Variants in UGT1A9 observed in about 807,000 individuals in gnomAD.
The protein encoded by UGT1A9 is UDP glucuronosyltransferase family 1 member A9, also known as UDP-glucuronosyltransferase 1A9.
In UGT1A9, 35 loss-of-function variants were observed where a neutral mutation model predicts 45.0. The observed-to-expected ratio is 0.78, with a 90% CI of 0.59 to 1.03. The LOEUF (loss-of-function observed/expected upper bound fraction) is 1.03, where lower values mean the gene tolerates loss of function less well. Ranked by LOEUF, UGT1A9 falls within the 50% of genes least tolerant of loss-of-function variation. The probability of loss-of-function intolerance (pLI) is 0.00; values close to 1 mark genes in which losing one functional copy is unlikely to be tolerated. For synonymous variants in UGT1A9, 278 were observed against 250.6 expected, an observed-to-expected ratio of 1.11 and a Z score of -1.03; for missense variants, 687 against 666.6, an observed-to-expected ratio of 1.03 and a Z score of -0.34.
intron 1 of UGT1A9, among the ~76,000 whole-genome samples, chr2:233,759,775 C>T (rs756322145): frequency 1.3e-5 from 2 of 152,048 alleles, no homozygotes; most frequent in African/African-American, 4.8e-5. Context: ...TATTGTTGGA[C>T]GAAGGAATGA....
chr2:233,707,812 G>A lies in UGT1A9; in HGVS notation c.855+35023G>A, dbSNP rs998296659. On this transcript the variant is annotated intron_variant, in intron 1 of 4. Transcript: ENST00000354728. ...GGGTGGAGCTGCTGCGTTGGAGGGC[G>A]TGCATATCATTAATTTAATAAGATG... Among the ~76,000 whole-genome samples, 10 of 152,234 alleles carry A rather than the reference G, an allele frequency of 6.6e-5. No homozygotes were observed. In the Middle Eastern group the frequency reaches 0.01, roughly 155 times the overall value.
At chr2:233,747,128 C>G (rs1346138562) in intron 1 of UGT1A9, 1 of 1,515,314 alleles carries the variant, frequency 6.6e-7, no homozygotes, top group Non-Finnish European at 8.9e-7. Context: ...CTAAGTGGCT[C>G]AGTGACAAGG....
In UGT1A9 at chr2:233,713,451, T is replaced by G. The variant is rs779404172; in HGVS notation, c.855+40662T>G. 4.3e-5 allele frequency: 69 copies of G among 1,614,108 alleles called. 1 individual carries two copies. The highest frequency in any genetic ancestry group is 3.4e-4 in the South Asian group (31 of 91,046). On this transcript the variant is annotated intron_variant, in intron 1 of 4. Coordinates refer to ENST00000354728, the MANE Select transcript of UGT1A9 (RefSeq NM_021027.3). ...CTTTGATGTGGTTCTAACAGACCCC[T>G]TTCACCTCTGCGCGGCGGTGCTGGC...
At chr2:233,706,359 A>G (rs1575483588) in intron 1 of UGT1A9, among the ~76,000 whole-genome samples, 3 of 152,330 alleles carry the variant, frequency 2.0e-5, no homozygotes, top group Admixed American at 6.5e-5. Context: ...CATTCTTCCA[A>G]TTTAGGCCAT....
chr2:233,682,730 GT>G (rs1559340015), intron 1 of UGT1A9: 1 of 1,613,822 alleles, frequency 6.2e-7, no homozygotes, highest in Admixed American at 1.7e-5. Flanking sequence ...TCCCAAACCC[GT>G]GATGCCCAAT....
chr2:233,733,965 G>T (rs1401939828), intron 1 of UGT1A9, among the ~76,000 whole-genome samples: 1 of 152,058 alleles, frequency 6.6e-6, no homozygotes, highest in Non-Finnish European at 1.5e-5. Flanking sequence ...GTGGGGTAGG[G>T]GGAGCGGGGA....
chr2:233,724,360 G>C (rs1455285943), intron 1 of UGT1A9, among the ~76,000 whole-genome samples: 3 of 146,586 alleles, frequency 2.0e-5, no homozygotes, highest in Admixed American at 6.8e-5. Context: ...CCTCCCTCCC[G>C]GACGGGGTGG....
At chr2:233,727,955 A>G (rs2077669269) in intron 1 of UGT1A9, among the ~76,000 whole-genome samples, 2 of 152,220 alleles carry the variant, frequency 1.3e-5, no homozygotes, top group Admixed American at 6.5e-5. Flanking sequence ...GCCTGCCCAC[A>G]TCATCCTGAG....
chr2:233,747,877 A>G, intron 1 of UGT1A9: 2 of 1,613,450 alleles, frequency 1.2e-6, no homozygotes, highest in Non-Finnish European at 1.7e-6. Context: ...GCCCTGTCCT[A>G]CCTTTGCCAT....
intron 1 of UGT1A9, among the ~76,000 whole-genome samples, chr2:233,725,821 C>A (rs539043727): frequency 6.6e-6 from 1 of 152,130 alleles, no homozygotes; most frequent in South Asian, 2.1e-4. Flanking sequence ...TATTGGATAC[C>A]AGTATTGCTA....
At chr2:233,691,483 T>C in intron 1 of UGT1A9, 1 of 985,676 alleles carries the variant, frequency 1.0e-6, no homozygotes, top group Non-Finnish European at 1.2e-6. Flanking sequence ...GCCAAACTTG[T>C]GGGTGGGAAC....
At chr2:233,712,285 C>A (rs1006045038) in intron 1 of UGT1A9, among the ~76,000 whole-genome samples, 14 of 152,370 alleles carry the variant, frequency 9.2e-5, no homozygotes, top group Middle Eastern at 3.4e-3. Flanking sequence ...AGCACCTCTT[C>A]TTCCATGGTG....
At chr2:233,683,174 TA>T (rs767709977) in intron 1 of UGT1A9, among the ~76,000 whole-genome samples, 1 of 152,202 alleles carries the variant, frequency 6.6e-6, no homozygotes, top group Non-Finnish European at 1.5e-5. Context: ...TTATACTATG[TA>T]TATGCATATA....
chr2:233,674,537 T>A (rs2741050), intron 1 of UGT1A9, among the ~76,000 whole-genome samples: 93,609 of 151,996 alleles, frequency 0.62, 29,092 homozygotes, highest in South Asian at 0.65. Flanking sequence ...CCAGAGGCCT[T>A]TAGAGATATA....
chr2:233,705,029 G>A (rs1236578902), intron 1 of UGT1A9, among the ~76,000 whole-genome samples: 1 of 151,982 alleles, frequency 6.6e-6, no homozygotes, highest in Non-Finnish European at 1.5e-5. Context: ...CCAGCTACTC[G>A]GGAGGCTGAG....
chr2:233,712,555 A>G (rs1157620157), intron 1 of UGT1A9, among the ~76,000 whole-genome samples: 1 of 152,212 alleles, frequency 6.6e-6, no homozygotes, highest in Admixed American at 6.5e-5. Context: ...AAGAGTATTA[A>G]GAGTTAGCAA....
At chr2:233,712,795 G>C (rs551571775) in intron 1 of UGT1A9, among the ~76,000 whole-genome samples, 3 of 152,166 alleles carry the variant, frequency 2.0e-5, no homozygotes, top group Non-Finnish European at 2.9e-5. Flanking sequence ...AGGAGTGATC[G>C]GTCTTTCCCA....
At chr2:233,720,323 T>C (rs1157201210) in intron 1 of UGT1A9, among the ~76,000 whole-genome samples, 1 of 152,090 alleles carries the variant, frequency 6.6e-6, no homozygotes, top group Non-Finnish European at 1.5e-5. Flanking sequence ...TGTGGGGACA[T>C]CGTAGAGTTT....
intron 1 of UGT1A9, among the ~76,000 whole-genome samples, chr2:233,727,524 C>T (rs1429199465): frequency 6.6e-6 from 1 of 152,188 alleles, no homozygotes; most frequent in Non-Finnish European, 1.5e-5. Flanking sequence ...GAAGAGCACA[C>T]TACCAGGCGT....
Sources: allele counts gnomAD v4.1 joint callset (sites outside exome capture counted in the v4.1 genomes callset), GRCh38; gene constraint gnomAD v4.1.1; transcripts MANE v1.5; gene names NCBI Gene and HGNC (gene_info 2026-07-23, HGNC 2026-07-21).